Variants in F13A1 observed in about 807,000 individuals in gnomAD.
F13A1 encodes the protein coagulation factor XIII A chain, also known as FSF, A subunit.
Under a neutral mutation model 80.1 loss-of-function variants are expected in F13A1, and 47 were observed. That is an observed-to-expected ratio of 0.59 (90% CI 0.46 to 0.75). F13A1 has a LOEUF of 0.75. Ranked by LOEUF, F13A1 falls within the 30% of genes least tolerant of loss-of-function variation. F13A1 has a pLI of 0.00. For missense variants in F13A1, 817 were observed against 930.4 expected, an observed-to-expected ratio of 0.88 and a Z score of 1.59; for synonymous variants, 349 against 344.9, an observed-to-expected ratio of 1.01 and a Z score of -0.13.
chr6:6,147,091 TG>T (rs1360961154), intron 14 of F13A1, among the ~76,000 whole-genome samples: 2 of 152,220 alleles, frequency 1.3e-5, no homozygotes, highest in Non-Finnish European at 2.9e-5. Flanking sequence ...ACTCATAAGC[TG>T]GAGCTAAGCT....
intron 4 of F13A1, among the ~76,000 whole-genome samples, chr6:6,265,557 A>G (rs1757832073): frequency 6.6e-6 from 1 of 152,230 alleles, no homozygotes; most frequent in Non-Finnish European, 1.5e-5. Flanking sequence ...GAAATCATTG[A>G]ACTTGACTGA....
chr6:6,174,192 T>A (rs1278271886), intron 12 of F13A1, among the ~76,000 whole-genome samples: 1 of 151,870 alleles, frequency 6.6e-6, no homozygotes, highest in African/African-American at 2.4e-5. Flanking sequence ...GAGTTTGAGA[T>A]CAGCCTGGCC....
At chr6:6,305,263 C>A in intron 3 of F13A1, 88 bp downstream of exon 3, 1 of 1,433,750 alleles carries the variant, frequency 7.0e-7, no homozygotes, top group Non-Finnish European at 9.8e-7. Context: ...ACATATGACA[C>A]TAGGAAATCA....
At chr6:6,301,964 C>T (rs1758439352) in intron 3 of F13A1, among the ~76,000 whole-genome samples, 1 of 152,212 alleles carries the variant, frequency 6.6e-6, no homozygotes. Flanking sequence ...AACAGTGATT[C>T]CTCCACTCCC....
chr6:6,228,620 G>A (rs958634253), intron 6 of F13A1, among the ~76,000 whole-genome samples: 4 of 150,868 alleles, frequency 2.7e-5, no homozygotes, highest in Non-Finnish European at 5.9e-5. Flanking sequence ...TGTAGTCCCC[G>A]CTACTCTGGA....
At chr6:6,262,566 C>T (rs1367776123) in intron 4 of F13A1, among the ~76,000 whole-genome samples, 8 of 152,146 alleles carry the variant, frequency 5.3e-5, no homozygotes, top group African/African-American at 1.4e-4. Flanking sequence ...GTTCTGGAAG[C>T]AGGGAGCACC....
intron 8 of F13A1, chr6:6,206,291 G>T: frequency 2.8e-6 from 1 of 356,840 alleles, no homozygotes; most frequent in Non-Finnish European, 5.5e-6. Context: ...TAGCCTAGGC[G>T]GTGCATACTT....
chr6:6,304,298 G>A (rs1742932), intron 3 of F13A1, among the ~76,000 whole-genome samples: 104,521 of 151,822 alleles, frequency 0.69, 36,235 homozygotes, highest in Middle Eastern at 0.85. Flanking sequence ...TTCTGTGACT[G>A]CTGATTTGAT....
chr6:6,258,019 A>G (rs1757725516), intron 4 of F13A1, among the ~76,000 whole-genome samples: 1 of 151,812 alleles, frequency 6.6e-6, no homozygotes, highest in Non-Finnish European at 1.5e-5. Context: ...TTATTTATTT[A>G]TTTATGTATT....
At chr6:6,234,701 ATTAC>A (rs1445488553) in intron 6 of F13A1, among the ~76,000 whole-genome samples, 2 of 152,004 alleles carry the variant, frequency 1.3e-5, no homozygotes, top group Non-Finnish European at 1.5e-5. Context: ...AAAGTACATA[ATTAC>A]TTTATTCTTT....
At chr6:6,317,778 T>A (rs537051621) in intron 2 of F13A1, among the ~76,000 whole-genome samples, 62 of 152,266 alleles carry the variant, frequency 4.1e-4, no homozygotes, top group African/African-American at 1.4e-3. Flanking sequence ...GGTGCATGAA[T>A]GTTATTGACA....
intron 4 of F13A1, among the ~76,000 whole-genome samples, chr6:6,264,944 TG>T (rs1451562230): frequency 6.6e-6 from 1 of 152,184 alleles, no homozygotes; most frequent in Non-Finnish European, 1.5e-5. Context: ...TGGCGCCTTT[TG>T]CCAACACTAG....
chr6:6,299,117 C>T (rs1198777528), intron 3 of F13A1, among the ~76,000 whole-genome samples: 14 of 143,020 alleles, frequency 9.8e-5, no homozygotes, highest in South Asian at 6.7e-4. Context: ...CCGAGAGATC[C>T]GCTGTTAGTC....
intron 10 of F13A1, 75 bp downstream of exon 10, chr6:6,195,722 C>T: frequency 1.4e-6 from 2 of 1,394,554 alleles, no homozygotes; most frequent in South Asian, 2.4e-5. Context: ...TTAGAAACAA[C>T]AACTTTTAGC....
Position 6,162,811 on chromosome 6 carries a change from T to C in F13A1, c.1908+4647A>G, listed in dbSNP as rs1760598049. 1.3e-5 allele frequency among the ~76,000 whole-genome samples: 2 copies of C among 152,174 alleles called. No homozygotes were observed. The highest frequency in any genetic ancestry group is 2.9e-5 in the Non-Finnish European group (2 of 68,040). ...ACAGAGGTGAAATGATCTGTCCAGG[T>C]TTACACAGTTATGATGTTCAGAAAA... On this transcript the variant is annotated intron_variant, in intron 13 of 14. Coordinates refer to ENST00000264870, the MANE Select transcript of F13A1 (RefSeq NM_000129.4). This position sits in a 1 kb window ranked among gnomAD's most constrained non-coding sequence, Gnocchi z 4.2.
At chr6:6,299,911 G>T (rs1327847585) in intron 3 of F13A1, among the ~76,000 whole-genome samples, 1 of 147,430 alleles carries the variant, frequency 6.8e-6, no homozygotes, top group African/African-American at 2.7e-5. Flanking sequence ...TGATGGTGAT[G>T]TACAGATGGG....
intron 12 of F13A1, among the ~76,000 whole-genome samples, chr6:6,170,161 G>T (rs1417604929): frequency 6.6e-6 from 1 of 152,230 alleles, no homozygotes; most frequent in Admixed American, 6.5e-5. Flanking sequence ...AGGCCTCGAA[G>T]AAGATGCCTT....
chr6:6,155,997 T>C (rs779646205), intron 13 of F13A1, among the ~76,000 whole-genome samples: 1 of 152,222 alleles, frequency 6.6e-6, no homozygotes, highest in Non-Finnish European at 1.5e-5. Context: ...TAGAGAAGGT[T>C]AGTTCAAGAA....
At chr6:6,260,955 T>A (rs1276552596) in intron 4 of F13A1, among the ~76,000 whole-genome samples, 1 of 151,732 alleles carries the variant, frequency 6.6e-6, no homozygotes, top group Non-Finnish European at 1.5e-5. Flanking sequence ...TCTCCTGAGG[T>A]TTTTTGTTTG....
Sources: gnomAD v4.1 joint callset for allele counts (sites outside exome capture counted in the v4.1 genomes callset) on GRCh38, gnomAD v4.1.1 for gene constraint, Gnocchi (gnomAD v3.1) non-coding constraint, MANE v1.5 for transcripts, NCBI Gene and HGNC (gene_info 2026-07-23, HGNC 2026-07-21) for gene names.